KIR2DL3: variants seen among roughly 807,000 people sequenced by gnomAD.
KIR2DL3 encodes the protein killer cell immunoglobulin like receptor, two Ig domains and long cytoplasmic tail 3.
KIR2DL3 carries 39 observed loss-of-function variants against 33.8 expected under a neutral mutation model. That is an observed-to-expected ratio of 1.15 (90% CI 0.89 to 1.51). KIR2DL3 has a LOEUF of 1.51. Ranked by LOEUF, KIR2DL3 falls within the 40% of genes most tolerant of loss-of-function variation. KIR2DL3 has a pLI of 0.00. For synonymous variants in KIR2DL3, 174 were observed against 160.2 expected (o/e 1.09, Z -0.65); for missense variants, 462 against 426.2 (o/e 1.08, Z -0.74).
chr19:54,746,883 G>C (rs2072585503), intron 4 of KIR2DL3, among the ~76,000 whole-genome samples: 1 of 147,842 alleles, frequency 6.8e-6, no homozygotes, highest in Non-Finnish European at 1.5e-5. Flanking sequence ...TCAGGAGTTT[G>C]AGGCCAGAGA....
rs1471721911 is a variant in KIR2DL3 at position 54,750,904 on chromosome 19, C to A, written c.716-745C>A. Among the ~76,000 whole-genome samples, 2 of 133,190 alleles carry A rather than the reference C, an allele frequency of 1.5e-5. 1 individual carries two copies. The highest frequency in any genetic ancestry group is 3.3e-5 in the Non-Finnish European group (2 of 60,750). The allele number at this position is 133,190 out of a possible 152,430, so 87.4% of individuals were successfully genotyped here. ...CCAGCCTGGGTTTTGTACTGTGGAG[C>A]CACAGGAAGCACTCAGCTAAAGCAC... is the stretch of plus-strand genomic sequence containing the variant. On this transcript the variant is annotated intron_variant, in intron 5 of 7. Coordinates refer to ENST00000342376, the MANE Select transcript of KIR2DL3 (RefSeq NM_015868.3).
intron 4 of KIR2DL3, among the ~76,000 whole-genome samples, chr19:54,744,948 ATATATATTTT>A (rs1386057567): frequency 1.5e-3 from 39 of 26,228 alleles, no homozygotes; most frequent in African/African-American, 4.0e-3. Context: ...ATATATATAT[ATATATATTTT>A]TTTTTTTTTT....
chr19:54,751,585 T>G, intron 5 of KIR2DL3, 64 bp from the exon 6 acceptor site: 3 of 1,208,250 alleles, frequency 2.5e-6, no homozygotes, highest in South Asian at 3.0e-5. Context: ...TCAAGAAATG[T>G]GAGACAATTC....
chr19:54,751,685 C>T lies in KIR2DL3; in HGVS notation c.752C>T (p.Ser251Leu). ...PRHLHVLIGT[S>L]VVIILFILLL... ...CACCTGCATGTTCTGATTGGGACCTCAGTGGTCATCATCCTCTTCATCCTC... is the reference window on the plus strand; with the variant it reads ...CACCTGCATGTTCTGATTGGGACCTTAGTGGTCATCATCCTCTTCATCCTC... The change falls in exon 6 of 8, where the codon TCA becomes TTA. Residue 251 changes from serine (S) to leucine (L), a missense_variant. Coordinates refer to ENST00000342376, the MANE Select transcript of KIR2DL3 (RefSeq NM_015868.3). 2 of 1,478,576 alleles carry T rather than the reference C, an allele frequency of 1.4e-6. No homozygotes were observed. Among genetic ancestry groups the T allele is most frequent in the Non-Finnish European group, 9.2e-7 (1 of 1,087,236 alleles). The allele number at this position is 1,478,576 out of a possible 1,614,324, so 91.6% of individuals were successfully genotyped here.
chr19:54,743,857 G>A lies in KIR2DL3; in HGVS notation c.433G>A (p.Val145Met), dbSNP rs770288421. 3.0e-5 allele frequency: 49 copies of A among 1,613,458 alleles called. No homozygotes were observed. The highest frequency in any genetic ancestry group is 1.3e-4 in the South Asian group (12 of 91,068). Residue 145 changes from valine (V) to methionine (M), a missense_variant, in exon 4 of 8, where the codon GTG becomes ATG. By Grantham distance (21) the Val-to-Met change is conservative. Coordinates refer to ENST00000342376, the MANE Select transcript of KIR2DL3 (RefSeq NM_015868.3). ...CCCCACGGTTCTGGCAGGAGAGAGCGTGACCTTGTCCTGCAGCTCCCGGAG... is the reference window on the plus strand; with the variant it reads ...CCCCACGGTTCTGGCAGGAGAGAGCATGACCTTGTCCTGCAGCTCCCGGAG... ...PGPTVLAGES[V>M]TLSCSSRSSY... is the part of the protein sequence containing the mutation.
intron 5 of KIR2DL3, among the ~76,000 whole-genome samples, chr19:54,748,633 G>T (rs1297303567): frequency 1.2e-4 from 17 of 146,640 alleles, no homozygotes; most frequent in African/African-American, 4.3e-4. Flanking sequence ...TTGTTCTTTT[G>T]TTTATTGAGA....
chr19:54,741,897 A>G lies in KIR2DL3; in HGVS notation c.71-83A>G, dbSNP rs528915599. On this transcript the variant is annotated intron_variant, in intron 2 of 7. Transcript: ENST00000342376. ...AGGAAGGAGAGAGACAGACACCAGC[A>G]AGGGGAAGCCTCACTCATTCTAGGT... is the stretch of plus-strand genomic sequence containing the variant. 2,504 of 1,349,410 alleles carry G rather than the reference A, an allele frequency of 1.9e-3. 2 individuals carry two copies. The highest frequency in any genetic ancestry group is 2.2e-3 in the Non-Finnish European group (2,160 of 966,526). The allele number at this position is 1,349,410 out of a possible 1,614,324, so 83.6% of individuals were successfully genotyped here.
chr19:54,744,476 T>C (rs1170333125), intron 4 of KIR2DL3, among the ~76,000 whole-genome samples: 20 of 152,282 alleles, frequency 1.3e-4, no homozygotes, highest in African/African-American at 4.6e-4. Context: ...TTACTTTTGT[T>C]TGAAGAAATA....
rs1309348027 is a variant in KIR2DL3, at chr19:54,738,668, G to A, written c.34+89G>A. ...GATATAGGCCTGGAAGTGGAGTTAT[G>A]GGCCTAGAGATGGAGTGATGGGCCT... is the stretch of plus-strand genomic sequence containing the variant. On this transcript the variant is annotated intron_variant, in intron 1 of 7. Transcript: ENST00000342376. 3.1e-6 allele frequency: 5 copies of A among 1,599,356 alleles called. No homozygotes were observed. In the African/African-American group the frequency reaches 5.4e-5, roughly 17 times the overall value.
intron 4 of KIR2DL3, among the ~76,000 whole-genome samples, chr19:54,744,893 TATATAC>T (rs2072060935): frequency 1.8e-5 from 1 of 56,010 alleles, no homozygotes; most frequent in Admixed American, 2.0e-4. Flanking sequence ...TATATATATA[TATATAC>T]ACACACACAC....
chr19:54,738,631 C>G (rs1338774811), intron 1 of KIR2DL3, 52 bp downstream of exon 1: 1 of 1,612,940 alleles, frequency 6.2e-7, no homozygotes, highest in East Asian at 2.2e-5. Flanking sequence ...GAGATCGGGG[C>G]CCAGAGTTGG....
chr19:54,744,464 C>G (rs1342230616), intron 4 of KIR2DL3, among the ~76,000 whole-genome samples: 2 of 152,144 alleles, frequency 1.3e-5, no homozygotes, highest in Admixed American at 6.5e-5. Flanking sequence ...CCCCTACACC[C>G]TTTACTTTTG....
chr19:54,750,352 A>C (rs2073223279), intron 5 of KIR2DL3, among the ~76,000 whole-genome samples: 1 of 141,780 alleles, frequency 7.1e-6, no homozygotes, highest in African/African-American at 2.7e-5. Flanking sequence ...TATTGAAGCA[A>C]TAGATGGCCG....
At chr19:54,744,699 G>A (rs2071953244) in intron 4 of KIR2DL3, among the ~76,000 whole-genome samples, 1 of 149,830 alleles carries the variant, frequency 6.7e-6, no homozygotes, top group African/African-American at 2.5e-5. Flanking sequence ...GCTACTTTTT[G>A]TATTTTTAGT....
intron 5 of KIR2DL3, among the ~76,000 whole-genome samples, chr19:54,750,390 G>A (rs62124372): frequency 0.012 from 1,681 of 142,050 alleles, 130 homozygotes; most frequent in Non-Finnish European, 0.018. Context: ...CCAGCCTCTC[G>A]GGTAGAACAG....
At chr19:54,744,770 C>A (rs1232806222) in intron 4 of KIR2DL3, among the ~76,000 whole-genome samples, 3 of 150,276 alleles carry the variant, frequency 2.0e-5, no homozygotes, top group African/African-American at 7.3e-5. Flanking sequence ...CGTGATCCAC[C>A]CGCATCTGCC....
At position 54,752,516 on chromosome 19, in the gene KIR2DL3, C is replaced by T. The variant is rs758931628; in HGVS notation, c.1023C>T (p.Pro341=). 6.8e-7 allele frequency: 1 copy of T among 1,463,100 alleles called. No homozygotes were observed. The allele number at this position is 1,463,100 out of a possible 1,614,324, so 90.6% of individuals were successfully genotyped here. Residue 341 remains proline (P), a synonymous_variant, in exon 8 of 8, where the codon CCC becomes CCT. Transcript: ENST00000342376. ...ACACGGAACTTCCAAATGCTGAGCCCTGATCCAAAGTTGTCTCCTGCCCAT... is the reference window on the plus strand; with the variant it reads ...ACACGGAACTTCCAAATGCTGAGCCTTGATCCAAAGTTGTCTCCTGCCCAT... ...IVYTELPNAE[P]
At chr19:54,745,872 G>T (rs1298055916) in intron 4 of KIR2DL3, among the ~76,000 whole-genome samples, 9 of 144,748 alleles carry the variant, frequency 6.2e-5, no homozygotes, top group Non-Finnish European at 1.2e-4. Context: ...GAGTGCAGTG[G>T]TGCGATCTCG....
chr19:54,748,252 A>G (rs1431997489), intron 5 of KIR2DL3, among the ~76,000 whole-genome samples: 10 of 151,680 alleles, frequency 6.6e-5, no homozygotes, highest in Non-Finnish European at 1.5e-4. Flanking sequence ...CTTCTTCCTT[A>G]TCTTTTGAAA....
Sources: allele counts gnomAD v4.1 joint callset (sites outside exome capture counted in the v4.1 genomes callset), GRCh38; gene constraint gnomAD v4.1.1; transcripts MANE v1.5; gene names NCBI Gene and HGNC (gene_info 2026-07-23, HGNC 2026-07-21).